GPC5: variants seen among roughly 807,000 people sequenced by gnomAD.
The protein encoded by GPC5 is glypican 5.
In GPC5, 47 loss-of-function variants were observed where a neutral mutation model predicts 53.9. The ratio of observed to expected loss-of-function variants is 0.87; its 90% CI spans 0.69 to 1.11. The LOEUF (loss-of-function observed/expected upper bound fraction) is 1.11, where lower values mean the gene tolerates loss of function less well. GPC5 is among the 50% of genes most tolerant of loss of function. The pLI, the probability that GPC5 is intolerant of heterozygous loss-of-function variation, is 0.00. For missense variants in GPC5, 748 were observed against 713.1 expected (o/e 1.05, Z -0.56); for synonymous variants, 286 against 263.3 (o/e 1.09, Z -0.84).
At position 92,592,566 on chromosome 13, in the gene GPC5, G is replaced by GAAAATA. The variant is rs749039404; in HGVS notation, c.1562-273713_1562-273708dup. Reference sequence around the variant, plus strand: ...CATTCAAGAAAGAGAAATAGAAATAGAAAATAAACAAATCTGTTGATTATC... The same window carrying GAAAATA: ...CATTCAAGAAAGAGAAATAGAAATAGAAAATAAAAATAAACAAATCTGTTGATTATC... On this transcript the variant is annotated intron_variant, in intron 7 of 7. Transcript: ENST00000377067. 4.4e-4 allele frequency among the ~76,000 whole-genome samples: 66 copies of GAAAATA among 151,196 alleles called. 1 individual carries two copies. Among genetic ancestry groups the GAAAATA allele is most frequent in the Non-Finnish European group, 5.0e-4 (34 of 67,632 alleles).
At chr13:92,465,534 G>C (rs1878657308) in intron 7 of GPC5, among the ~76,000 whole-genome samples, 1 of 152,104 alleles carries the variant, frequency 6.6e-6, no homozygotes, top group South Asian at 2.1e-4. Flanking sequence ...TATCTATTAT[G>C]CTATCTTATA....
chr13:92,821,420 G>A (rs1016956812), intron 7 of GPC5, among the ~76,000 whole-genome samples: 1 of 151,958 alleles, frequency 6.6e-6, no homozygotes, highest in African/African-American at 2.4e-5. Context: ...CATCTCAATG[G>A]TCCCGAGGAG....
intron 7 of GPC5, among the ~76,000 whole-genome samples, chr13:92,638,623 G>A (rs1211334236): frequency 6.6e-6 from 1 of 152,036 alleles, no homozygotes; most frequent in Admixed American, 6.6e-5. Context: ...CTTCTTTGTT[G>A]TTTCCTTATA....
intron 7 of GPC5, among the ~76,000 whole-genome samples, chr13:92,472,479 A>G (rs1053995084): frequency 6.6e-6 from 1 of 152,116 alleles, no homozygotes; most frequent in Admixed American, 6.6e-5. Flanking sequence ...TGAAAGGCCT[A>G]TGAATCTCTT....
At chr13:92,421,693 C>T (rs2374008) in intron 7 of GPC5, among the ~76,000 whole-genome samples, 35,252 of 111,122 alleles carry the variant, frequency 0.32, 5,529 homozygotes, top group East Asian at 0.61. Context: ...AGCAAGACTC[C>T]GTCTCAAAAA....
chr13:91,517,374 A>C (rs1885560635), intron 2 of GPC5, among the ~76,000 whole-genome samples: 1 of 152,316 alleles, frequency 6.6e-6, no homozygotes, highest in Admixed American at 6.5e-5. Flanking sequence ...TCTCTAGGGC[A>C]GGGGCAAAAT....
At chr13:91,732,082 G>A (rs372572305) in intron 4 of GPC5, among the ~76,000 whole-genome samples, 73 of 152,068 alleles carry the variant, frequency 4.8e-4, no homozygotes, top group African/African-American at 1.5e-3. Flanking sequence ...TGGTATTTCT[G>A]GTTCTAGATC....
chr13:92,776,070 T>C (rs1875793405), intron 7 of GPC5, among the ~76,000 whole-genome samples: 1 of 152,212 alleles, frequency 6.6e-6, no homozygotes, highest in South Asian at 2.1e-4. Context: ...ATGTATTATC[T>C]GACAAGTCTG....
intron 7 of GPC5, among the ~76,000 whole-genome samples, chr13:92,812,544 A>C (rs1349044371): frequency 6.6e-6 from 1 of 151,916 alleles, no homozygotes; most frequent in African/African-American, 2.4e-5. Context: ...TTGAATATGA[A>C]AGAGGGCATT....
intron 7 of GPC5, among the ~76,000 whole-genome samples, chr13:92,835,941 G>A (rs11842120): frequency 3.3e-5 from 5 of 151,910 alleles, no homozygotes; most frequent in African/African-American, 1.2e-4. Context: ...CAGTGAGTCT[G>A]AACATTTTTG....
At chr13:91,657,846 G>A (rs540771449) in intron 2 of GPC5, among the ~76,000 whole-genome samples, 1 of 152,278 alleles carries the variant, frequency 6.6e-6, no homozygotes, top group East Asian at 1.9e-4. Flanking sequence ...ACGCATACAT[G>A]TAGAAAGTAT....
At chr13:91,681,771 T>C (rs1002091773) in intron 2 of GPC5, among the ~76,000 whole-genome samples, 6 of 152,172 alleles carry the variant, frequency 3.9e-5, no homozygotes, top group African/African-American at 1.4e-4. Context: ...TCCAGCTGAG[T>C]TGACTTCAAT....
intron 4 of GPC5, among the ~76,000 whole-genome samples, chr13:91,742,315 C>T (rs1378768994): frequency 1.3e-5 from 2 of 152,046 alleles, no homozygotes; most frequent in African/African-American, 2.4e-5. Context: ...CATGAATGTT[C>T]CCAGAAAAAG....
chr13:91,717,278 C>T (rs2139941074), intron 3 of GPC5, among the ~76,000 whole-genome samples: 1 of 152,302 alleles, frequency 6.6e-6, no homozygotes, highest in South Asian at 2.1e-4. Context: ...TGTAAATTCA[C>T]ATGAAATAAT....
At chr13:92,480,751 G>GTGTGTA (rs374569095) in intron 7 of GPC5, among the ~76,000 whole-genome samples, 2 of 151,936 alleles carry the variant, frequency 1.3e-5, no homozygotes, top group South Asian at 4.1e-4. Flanking sequence ...TTACAGTCAG[G>GTGTGTA]CAACAAATCA....
chr13:92,571,722 C>T (rs1395097231), intron 7 of GPC5, among the ~76,000 whole-genome samples: 4 of 151,888 alleles, frequency 2.6e-5, no homozygotes, highest in Non-Finnish European at 4.4e-5. Flanking sequence ...ATATGGCAAA[C>T]TCATTTGGAA....
At chr13:92,218,158 C>A (rs2042424584) in intron 7 of GPC5, among the ~76,000 whole-genome samples, 1 of 151,870 alleles carries the variant, frequency 6.6e-6, no homozygotes, top group South Asian at 2.1e-4. Flanking sequence ...GAACTCCTGG[C>A]CTCAAGCAAT....
chr13:92,208,132 T>C (rs184972915), intron 7 of GPC5, among the ~76,000 whole-genome samples: 1 of 152,338 alleles, frequency 6.6e-6, no homozygotes, highest in African/African-American at 2.4e-5. Flanking sequence ...ACTCATTTCA[T>C]GGACCCAGGT....
At chr13:91,596,453 G>C (rs2032997967) in intron 2 of GPC5, among the ~76,000 whole-genome samples, 1 of 152,136 alleles carries the variant, frequency 6.6e-6, no homozygotes, top group Non-Finnish European at 1.5e-5. Flanking sequence ...ATAATACACT[G>C]TCAATTCTGC....
Sources: gnomAD v4.1 joint callset for allele counts (sites outside exome capture counted in the v4.1 genomes callset) on GRCh38, gnomAD v4.1.1 for gene constraint, MANE v1.5 for transcripts, NCBI Gene and HGNC (gene_info 2026-07-23, HGNC 2026-07-21) for gene names.